Variants in HSDL2 observed in about 807,000 individuals in gnomAD.
HSDL2 encodes the protein hydroxysteroid dehydrogenase-like protein 2.
HSDL2 carries 27 observed loss-of-function variants against 46.3 expected under a neutral mutation model. That is an observed-to-expected ratio of 0.58 (90% CI 0.43 to 0.80). HSDL2 has a LOEUF of 0.80. Ranked by LOEUF, HSDL2 falls within the 30% of genes least tolerant of loss-of-function variation. HSDL2 has a pLI of 0.00. For missense variants in HSDL2, 451 were observed against 502.7 expected (o/e 0.90, Z 0.98); for synonymous variants, 153 against 163.6 (o/e 0.94, Z 0.50).
At chr9:112,418,017 C>T (rs1051758675) in intron 5 of HSDL2, among the ~76,000 whole-genome samples, 2 of 152,028 alleles carry the variant, frequency 1.3e-5, no homozygotes, top group African/African-American at 4.8e-5. Context: ...GTGGAGTTTG[C>T]AGTGAGCCAA....
At chr9:112,454,688 CTTTT>C (rs199896808) in intron 9 of HSDL2, among the ~76,000 whole-genome samples, 1 of 151,936 alleles carries the variant, frequency 6.6e-6, no homozygotes, top group Non-Finnish European at 1.5e-5. Flanking sequence ...CTTTTTTTCA[CTTTT>C]TTTATTTTTA....
At chr9:112,427,573 C>A (rs991489784) in intron 6 of HSDL2, among the ~76,000 whole-genome samples, 19 of 152,170 alleles carry the variant, frequency 1.2e-4, no homozygotes, top group African/African-American at 4.6e-4. Flanking sequence ...ACATCAGGAT[C>A]TAAATTGTTC....
rs1832573952 is a variant in HSDL2 at position 112,438,455 on chromosome 9, T to C, written c.623T>C (p.Met208Thr). Reference sequence around the variant, plus strand: ...GCCATACACACTGCTGCTATGGATATGCTGGGAGGACCTGGTATCGAAAGC... The same window carrying C: ...GCCATACACACTGCTGCTATGGATACGCTGGGAGGACCTGGTATCGAAAGC... ...KTAIHTAAMD[M>T]LGGPGIESQC... Residue 208 changes from methionine to threonine, a missense_variant, in exon 7 of 11, where the codon ATG becomes ACG. Transcript: ENST00000398805. The C allele has an allele frequency of 1.9e-6, 3 of 1,607,172 alleles. No homozygotes were observed. The highest frequency in any genetic ancestry group is 2.5e-6 in the Non-Finnish European group (3 of 1,177,110).
At chr9:112,453,784 C>T (rs1206571462) in intron 8 of HSDL2, among the ~76,000 whole-genome samples, 2 of 152,112 alleles carry the variant, frequency 1.3e-5, no homozygotes, top group Admixed American at 1.3e-4. Context: ...TGAAAGTCAG[C>T]CTTTTATTTG....
chr9:112,405,162 A>G lies in HSDL2; in HGVS notation c.182-462A>G, dbSNP rs574282113. Among the ~76,000 whole-genome samples the G allele has an allele frequency of 6.2e-4, 95 of 152,228 alleles. 1 individual carries two copies. The highest frequency in any genetic ancestry group is 2.3e-3 in the African/African-American group (95 of 41,520). On this transcript the variant is annotated intron_variant, in intron 2 of 10. Coordinates refer to ENST00000398805, the MANE Select transcript of HSDL2 (RefSeq NM_032303.5). ...AGGTCAGGAGTGCGAGACCAGCCTG[A>G]CCAACATGGCAAAACCGTGTCTCTA... is the stretch of plus-strand genomic sequence containing the variant.
intron 5 of HSDL2, among the ~76,000 whole-genome samples, chr9:112,417,735 T>C (rs1036416548): frequency 6.6e-5 from 10 of 152,026 alleles, no homozygotes; most frequent in Non-Finnish European, 1.3e-4. Flanking sequence ...TTTTTTATTA[T>C]TGTTTTACTA....
chr9:112,403,253 C>T (rs1364980532), intron 1 of HSDL2, among the ~76,000 whole-genome samples: 1 of 152,226 alleles, frequency 6.6e-6, no homozygotes, highest in Non-Finnish European at 1.5e-5. Context: ...CCTCCAATCC[C>T]TCCCACTCCC....
intron 8 of HSDL2, among the ~76,000 whole-genome samples, chr9:112,443,739 C>T (rs966429764): frequency 2.0e-5 from 3 of 152,052 alleles, no homozygotes; most frequent in African/African-American, 4.8e-5. Flanking sequence ...CAAATAAATA[C>T]GTAAATTAGC....
intron 1 of HSDL2, among the ~76,000 whole-genome samples, chr9:112,385,495 A>ATT (rs60858988): frequency 0.16 from 21,210 of 130,894 alleles, 1,942 homozygotes; most frequent in East Asian, 0.24. Context: ...CACCTGGCTA[A>ATT]TTTTTTTTTT....
chr9:112,381,241 C>T (rs1448983857), intron 1 of HSDL2, among the ~76,000 whole-genome samples: 1 of 152,160 alleles, frequency 6.6e-6, no homozygotes, highest in African/African-American at 2.4e-5. Context: ...CCAGACTGGC[C>T]TGTAGCCTTG....
intron 1 of HSDL2, among the ~76,000 whole-genome samples, chr9:112,380,586 A>G (rs1198977731): frequency 6.6e-6 from 1 of 152,124 alleles, no homozygotes; most frequent in Non-Finnish European, 1.5e-5. Context: ...TCAATTCTAG[A>G]GTAATAATGG....
At chr9:112,425,283 G>C (rs1382222321) in intron 6 of HSDL2, among the ~76,000 whole-genome samples, 1 of 152,006 alleles carries the variant, frequency 6.6e-6, no homozygotes, top group African/African-American at 2.4e-5. Flanking sequence ...AAGTGGACTT[G>C]GTAAGTTGGT....
At chr9:112,382,587 C>T (rs567194896) in intron 1 of HSDL2, among the ~76,000 whole-genome samples, 10 of 152,276 alleles carry the variant, frequency 6.6e-5, no homozygotes, top group South Asian at 2.1e-4. Flanking sequence ...AATGGCATCT[C>T]GTGAGTAGAG....
At chr9:112,434,939 C>T (rs1832489619) in intron 6 of HSDL2, among the ~76,000 whole-genome samples, 1 of 152,098 alleles carries the variant, frequency 6.6e-6, no homozygotes, top group Admixed American at 6.5e-5. Flanking sequence ...GTTGTTGACT[C>T]TTGTGATCCA....
At chr9:112,407,255 A>G (rs1831752317) in intron 3 of HSDL2, among the ~76,000 whole-genome samples, 1 of 152,250 alleles carries the variant, frequency 6.6e-6, no homozygotes, top group South Asian at 2.1e-4. Context: ...GCCACGCTCA[A>G]ATGCAGGATA....
At chr9:112,448,868 C>T (rs1215435374) in intron 8 of HSDL2, among the ~76,000 whole-genome samples, 2 of 151,526 alleles carry the variant, frequency 1.3e-5, no homozygotes, top group African/African-American at 4.8e-5. Context: ...TCTCTGTGTT[C>T]TTTTCTTTGA....
chr9:112,389,876 C>G (rs929367572), intron 1 of HSDL2, among the ~76,000 whole-genome samples: 24 of 152,022 alleles, frequency 1.6e-4, no homozygotes, highest in African/African-American at 5.3e-4. Context: ...ACCAGCCTAG[C>G]CAACATGGCA....
intron 1 of HSDL2, among the ~76,000 whole-genome samples, chr9:112,394,836 G>C (rs1831423264): frequency 6.6e-6 from 1 of 152,192 alleles, no homozygotes; most frequent in Non-Finnish European, 1.5e-5. Flanking sequence ...TCCTGGTCGA[G>C]TGGGGCAATG....
chr9:112,421,498 T>C (rs965789811), intron 6 of HSDL2, among the ~76,000 whole-genome samples: 1 of 152,242 alleles, frequency 6.6e-6, no homozygotes, highest in African/African-American at 2.4e-5. Context: ...CAGATCTTTG[T>C]AAATGCATGA....
Sources: gnomAD v4.1 joint callset for allele counts (sites outside exome capture counted in the v4.1 genomes callset) on GRCh38, gnomAD v4.1.1 for gene constraint, MANE v1.5 for transcripts, NCBI Gene and HGNC (gene_info 2026-07-23, HGNC 2026-07-21) for gene names.